RBFOX1: variants seen among roughly 807,000 people sequenced by gnomAD.
The protein encoded by RBFOX1 is RNA binding protein fox-1 homolog 1.
RBFOX1 carries 8 observed loss-of-function variants against 57.7 expected under a neutral mutation model. That is an observed-to-expected ratio of 0.14 (90% CI 0.08 to 0.25). The LOEUF (loss-of-function observed/expected upper bound fraction) is 0.25, where lower values mean the gene tolerates loss of function less well. Ranked by LOEUF, RBFOX1 falls within the 10% of genes least tolerant of loss-of-function variation. The probability of loss-of-function intolerance (pLI) is 1.00; values close to 1 mark genes in which losing one functional copy is unlikely to be tolerated. For missense variants in RBFOX1, 611 were observed against 548.5 expected (o/e 1.11, Z -1.14); for synonymous variants, 326 against 222.4 (o/e 1.47, Z -4.15).
intron 1 of RBFOX1, among the ~76,000 whole-genome samples, chr16:5,451,867 C>G (rs556926037): frequency 6.6e-6 from 1 of 151,444 alleles, no homozygotes; most frequent in Non-Finnish European, 1.5e-5. Context: ...CTACAACTCC[C>G]AGCTGCCCAC....
In RBFOX1 at chr16:6,781,574, G is replaced by A. The variant is rs530639150; in HGVS notation, c.-16+126924G>A. Among the ~76,000 whole-genome samples, 15 of 152,160 alleles carry A rather than the reference G, an allele frequency of 9.9e-5. No individual in the cohort carries two copies. The South Asian group carries it at 2.7e-3, about 27-fold the overall frequency. ...CAAGTCCTGGCCTTTTCTCTGGTGA[G>A]AATCTTTTTATTACTTCTTTTATAG... On this transcript the variant is annotated intron_variant, in intron 3 of 15. Coordinates refer to ENST00000550418, the MANE Select transcript of RBFOX1 (RefSeq NM_018723.4).
chr16:7,531,706 C>G (rs1352883576), intron 5 of RBFOX1, among the ~76,000 whole-genome samples: 5 of 152,134 alleles, frequency 3.3e-5, no homozygotes, highest in Non-Finnish European at 7.4e-5. Flanking sequence ...AAACATAGGC[C>G]TGGCAGATTC....
At chr16:6,506,204 G>A (rs1421760877) in intron 2 of RBFOX1, among the ~76,000 whole-genome samples, 1 of 152,118 alleles carries the variant, frequency 6.6e-6, no homozygotes, top group Non-Finnish European at 1.5e-5. Context: ...TCATGTAGAT[G>A]CCCCAAGTGG....
intron 4 of RBFOX1, among the ~76,000 whole-genome samples, chr16:7,244,553 G>T (rs2094210751): frequency 6.6e-6 from 1 of 152,188 alleles, no homozygotes; most frequent in Non-Finnish European, 1.5e-5. Flanking sequence ...GTGGCTCTCA[G>T]TTGCAATGCT....
chr16:5,779,032 C>G (rs1467541934), intron 3 of RBFOX1, among the ~76,000 whole-genome samples: 2 of 152,138 alleles, frequency 1.3e-5, no homozygotes, highest in African/African-American at 2.4e-5. Flanking sequence ...CTGGGATGAA[C>G]CAACCTATTA....
intron 2 of RBFOX1, among the ~76,000 whole-genome samples, chr16:6,361,661 C>G (rs1056703532): frequency 6.6e-6 from 1 of 150,384 alleles, no homozygotes; most frequent in Admixed American, 6.6e-5. Context: ...GTCAATCATT[C>G]TTAAAGCTGG....
At chr16:7,211,260 T>G (rs1289822583) in intron 4 of RBFOX1, among the ~76,000 whole-genome samples, 1 of 151,316 alleles carries the variant, frequency 6.6e-6, no homozygotes, top group Non-Finnish European at 1.5e-5. Context: ...GGTGTGGTGG[T>G]GGGCCCCTGT....
Position 7,007,597 on chromosome 16 carries a change from C to G in RBFOX1, c.-15-44460C>G, listed in dbSNP as rs566628092. 9.1e-4 allele frequency among the ~76,000 whole-genome samples: 138 copies of G among 152,316 alleles called. 1 individual carries two copies. The highest frequency in any genetic ancestry group is 3.2e-3 in the African/African-American group (134 of 41,568). ...GTTAAACACCCTCCCATCCTCCAGC[C>G]ATCTTTGACTGTTTTAGTCATTCTT... On this transcript the variant is annotated intron_variant, in intron 3 of 15. Coordinates refer to ENST00000550418, the MANE Select transcript of RBFOX1 (RefSeq NM_018723.4).
At chr16:7,018,325 A>G (rs2094018547) in intron 3 of RBFOX1, among the ~76,000 whole-genome samples, 1 of 152,160 alleles carries the variant, frequency 6.6e-6, no homozygotes. Context: ...TGAGAAGCCT[A>G]ACCTCCGGGA....
Position 6,416,520 on chromosome 16 carries a change from A to G in RBFOX1, c.-64+99463A>G, listed in dbSNP as rs557017260. Among the ~76,000 whole-genome samples, 10 of 151,408 alleles carry G rather than the reference A, an allele frequency of 6.6e-5. No individual in the cohort carries two copies. The East Asian group carries it at 1.9e-3, about 29-fold the overall frequency. On this transcript the variant is annotated intron_variant, in intron 2 of 15. Transcript: ENST00000550418. ...CATTTTTCTTTTTTTACTGAAAGAGATTGTATTAATGAGGAAAGAGGAGAA... is the reference window on the plus strand; with the variant it reads ...CATTTTTCTTTTTTTACTGAAAGAGGTTGTATTAATGAGGAAAGAGGAGAA...
At position 5,860,069 on chromosome 16, in the gene RBFOX1, G is replaced by C. The variant is rs868107406; in HGVS notation, c.319-7234G>C. 2.0e-5 allele frequency among the ~76,000 whole-genome samples: 3 copies of C among 152,154 alleles called. No individual in the cohort carries two copies. In the East Asian group the frequency reaches 5.8e-4, roughly 29 times the overall value. On this transcript the variant is annotated intron_variant, in intron 3 of 19. Transcript: ENST00000641259. ...TGCCCAGAGAGCAGCCCAGTAGACA[G>C]TAGTGGACACTGTCAGCATTTCTTT... is the stretch of plus-strand genomic sequence containing the variant.
chr16:5,687,946 T>C (rs1029598901), intron 3 of RBFOX1, among the ~76,000 whole-genome samples: 12 of 152,204 alleles, frequency 7.9e-5, no homozygotes, highest in African/African-American at 2.7e-4. Flanking sequence ...TGGGTTTGTT[T>C]TTCTCCTTAA....
At chr16:6,735,095 T>C (rs1728136103) in intron 3 of RBFOX1, among the ~76,000 whole-genome samples, 1 of 152,084 alleles carries the variant, frequency 6.6e-6, no homozygotes, top group Non-Finnish European at 1.5e-5. Context: ...CAGCGAGCCA[T>C]GATTAAACAA....
intron 4 of RBFOX1, among the ~76,000 whole-genome samples, chr16:5,897,167 C>G (rs536179705): frequency 8.0e-4 from 121 of 152,108 alleles, no homozygotes; most frequent in African/African-American, 2.8e-3. Flanking sequence ...TCCCCAGTAG[C>G]TGGGACTACA....
chr16:6,288,018 A>G (rs550283667), intron 1 of RBFOX1, among the ~76,000 whole-genome samples: 1 of 152,274 alleles, frequency 6.6e-6, no homozygotes, highest in Admixed American at 6.5e-5. Context: ...GTCTATAAAC[A>G]AGCATCTGTA....
intron 4 of RBFOX1, among the ~76,000 whole-genome samples, chr16:7,330,035 G>C (rs936460085): frequency 2.0e-5 from 3 of 152,036 alleles, no homozygotes; most frequent in African/African-American, 7.2e-5. Flanking sequence ...ACATAGAAAA[G>C]GTACAGTAAA....
chr16:6,764,369 T>A (rs7199188), intron 3 of RBFOX1, among the ~76,000 whole-genome samples: 2 of 152,046 alleles, frequency 1.3e-5, no homozygotes, highest in African/African-American at 2.4e-5. Context: ...TCAGTCCTTA[T>A]GGTAGTCGGG....
chr16:6,034,750 G>C (rs2095342556), intron 1 of RBFOX1, among the ~76,000 whole-genome samples: 2 of 152,150 alleles, frequency 1.3e-5, no homozygotes, highest in Admixed American at 6.5e-5. Context: ...CAAGTAGTTT[G>C]TTAAGATCTT....
intron 2 of RBFOX1, among the ~76,000 whole-genome samples, chr16:6,379,784 ACAGT>A (rs1210227221): frequency 6.6e-6 from 1 of 152,046 alleles, no homozygotes; most frequent in Non-Finnish European, 1.5e-5. Context: ...GAAACTAGAG[ACAGT>A]CAGTTCCACT....
Sources: gnomAD v4.1 joint callset for allele counts (sites outside exome capture counted in the v4.1 genomes callset) on GRCh38, gnomAD v4.1.1 for gene constraint, MANE v1.5 for transcripts, NCBI Gene and HGNC (gene_info 2026-07-23, HGNC 2026-07-21) for gene names.